Variants in LRP1B observed in about 807,000 individuals in gnomAD.
LRP1B encodes the protein low-density lipoprotein receptor-related protein 1B.
A neutral mutation model predicts 556.6 loss-of-function variants in LRP1B; 217 were observed. The observed-to-expected ratio is 0.39, with a 90% confidence interval of 0.35 to 0.44. The LOEUF (loss-of-function observed/expected upper bound fraction) is 0.44, where lower values mean the gene tolerates loss of function less well. LRP1B is among the 20% of genes least tolerant of loss of function. The probability of loss-of-function intolerance (pLI) is 1.00; values close to 1 mark genes in which losing one functional copy is unlikely to be tolerated. For missense variants in LRP1B, 5,053 were observed against 5,620.8 expected (o/e 0.90, Z 3.23); for synonymous variants, 2,047 against 1,865.8 (o/e 1.10, Z -2.50).
At chr2:140,462,393 T>C (rs75583731) in intron 60 of LRP1B, among the ~76,000 whole-genome samples, 7,506 of 152,274 alleles carry the variant, frequency 0.049, 272 homozygotes, top group Non-Finnish European at 0.057. Context: ...GAGATGGACA[T>C]GCAAAGGTAC....
Position 140,346,184 on chromosome 2 carries a change from TG to T in LRP1B, c.11892+4612del, listed in dbSNP as rs1315682747. Among the ~76,000 whole-genome samples the T allele has an allele frequency of 5.9e-5, 9 of 151,774 alleles. No homozygotes were observed. The East Asian group carries it at 1.7e-3, about 29-fold the overall frequency. On this transcript the variant is annotated intron_variant, in intron 77 of 90. Transcript: ENST00000389484. ...AACAAGTAGGCTTTAAATAAGCCTT[TG>T]GGTATGAATGAATACATTTTGGCTG... is the stretch of plus-strand genomic sequence containing the variant.
chr2:140,950,444 T>C (rs764046746), intron 19 of LRP1B, 42 bp from the exon 20 acceptor site: 2 of 1,510,068 alleles, frequency 1.3e-6, no homozygotes, highest in Non-Finnish European at 8.9e-7. Flanking sequence ...ATCTGAACCA[T>C]GAAGAAATTT....
chr2:141,517,237 C>T (rs6748629), intron 2 of LRP1B, among the ~76,000 whole-genome samples: 18,567 of 147,950 alleles, frequency 0.13, 1,377 homozygotes, highest in African/African-American at 0.21. Flanking sequence ...TTTAGATTGA[C>T]CATGTCTTAG....
chr2:140,263,520 T>G (rs752155557), intron 86 of LRP1B, among the ~76,000 whole-genome samples: 13 of 152,212 alleles, frequency 8.5e-5, no homozygotes, highest in African/African-American at 3.1e-4. Flanking sequence ...TTCCTTCAAT[T>G]TATCTTTCCC....
intron 1 of LRP1B, among the ~76,000 whole-genome samples, chr2:141,942,855 T>A (rs1700852717): frequency 1.3e-5 from 2 of 152,184 alleles, no homozygotes; most frequent in African/African-American, 4.8e-5. Context: ...GGGTCCTGCA[T>A]ATGAGGGGAA....
intron 1 of LRP1B, among the ~76,000 whole-genome samples, chr2:142,047,386 A>G (rs2105225618): frequency 6.6e-6 from 1 of 152,048 alleles, no homozygotes; most frequent in East Asian, 1.9e-4. Context: ...GAAAAAAAAT[A>G]TGCTAGGTTT....
intron 20 of LRP1B, among the ~76,000 whole-genome samples, chr2:140,936,005 ATGTGTG>A (rs558822517): frequency 6.7e-6 from 1 of 149,028 alleles, no homozygotes; most frequent in Non-Finnish European, 1.5e-5. Context: ...CTGTGTGTAT[ATGTGTG>A]TGTGTGTGTG....
chr2:140,640,104 G>A (rs1437302200), intron 41 of LRP1B, among the ~76,000 whole-genome samples: 2 of 151,798 alleles, frequency 1.3e-5, no homozygotes, highest in African/African-American at 4.8e-5. Flanking sequence ...CCGGGTTCAC[G>A]CCATTCTCCT....
chr2:141,455,918 C>A (rs1681612149), intron 3 of LRP1B, among the ~76,000 whole-genome samples: 1 of 152,194 alleles, frequency 6.6e-6, no homozygotes, highest in African/African-American at 2.4e-5. Flanking sequence ...CACTAATTAT[C>A]ACACTAGTTC....
At chr2:141,942,341 T>G (rs1700833635) in intron 1 of LRP1B, among the ~76,000 whole-genome samples, 2 of 152,256 alleles carry the variant, frequency 1.3e-5, no homozygotes, top group South Asian at 4.2e-4. Context: ...CAGTAGCAGT[T>G]TGAAGCCAAC....
chr2:141,177,540 T>C (rs1680788707), intron 7 of LRP1B, among the ~76,000 whole-genome samples: 1 of 152,162 alleles, frequency 6.6e-6, no homozygotes, highest in Non-Finnish European at 1.5e-5. Context: ...GAAATGTGTA[T>C]TGAACCTGCA....
At chr2:142,021,894 G>T (rs2105177635) in intron 1 of LRP1B, among the ~76,000 whole-genome samples, 1 of 152,138 alleles carries the variant, frequency 6.6e-6, no homozygotes, top group African/African-American at 2.4e-5. Flanking sequence ...GTGACCTTTT[G>T]TTTCACTGCA....
At chr2:140,982,473 C>A (rs1399730185) in intron 17 of LRP1B, among the ~76,000 whole-genome samples, 197 bp from the exon 18 acceptor site, 1 of 152,080 alleles carries the variant, frequency 6.6e-6, no homozygotes, top group Non-Finnish European at 1.5e-5. Flanking sequence ...ACATGCTTTG[C>A]CCTTCAATTA....
At chr2:140,788,210 A>C (rs1007161505) in intron 32 of LRP1B, among the ~76,000 whole-genome samples, 5 of 152,210 alleles carry the variant, frequency 3.3e-5, no homozygotes, top group Non-Finnish European at 5.9e-5. Flanking sequence ...GAATAAACAA[A>C]TGAATGAGTC....
intron 3 of LRP1B, among the ~76,000 whole-genome samples, chr2:141,423,556 T>C (rs1445464308): frequency 6.6e-6 from 1 of 152,090 alleles, no homozygotes; most frequent in Non-Finnish European, 1.5e-5. Context: ...CTACTCACCT[T>C]AGCTGCCATA....
At chr2:141,796,039 T>C (rs1259911377) in intron 2 of LRP1B, among the ~76,000 whole-genome samples, 1 of 151,240 alleles carries the variant, frequency 6.6e-6, no homozygotes, top group African/African-American at 2.4e-5. Context: ...CTTAATAGTA[T>C]ATTATTGATA....
intron 27 of LRP1B, among the ~76,000 whole-genome samples, chr2:140,865,901 A>G (rs929106837): frequency 5.3e-5 from 8 of 152,108 alleles, no homozygotes; most frequent in Non-Finnish European, 1.2e-4. Flanking sequence ...CTATATATGC[A>G]TAAATATCAG....
intron 32 of LRP1B, among the ~76,000 whole-genome samples, chr2:140,782,343 C>G (rs138951956): frequency 1.3e-5 from 2 of 152,056 alleles, no homozygotes; most frequent in African/African-American, 4.8e-5. Context: ...TAAGTCTAAA[C>G]GAGGCCCCAT....
chr2:141,773,379 G>T (rs1296202896), intron 2 of LRP1B, among the ~76,000 whole-genome samples: 1 of 152,216 alleles, frequency 6.6e-6, no homozygotes, highest in Admixed American at 6.5e-5. Context: ...TCAAAAGGTA[G>T]CCAATTGCAA....
Sources: allele counts gnomAD v4.1 joint callset (sites outside exome capture counted in the v4.1 genomes callset), GRCh38; gene constraint gnomAD v4.1.1; transcripts MANE v1.5; gene names NCBI Gene and HGNC (gene_info 2026-07-23, HGNC 2026-07-21).